Variants in STK32B observed in about 807,000 individuals in gnomAD.
The protein encoded by STK32B is serine/threonine kinase 32B.
In STK32B, 43 loss-of-function variants were observed where a neutral mutation model predicts 52.6. That is an observed-to-expected ratio of 0.82 (90% CI 0.64 to 1.05). STK32B has a LOEUF of 1.05. Among genes scored for constraint, STK32B ranks in the 50% least tolerant of loss-of-function variants. The pLI is 0.00. For missense variants in STK32B, 621 were observed against 534.6 expected, an observed-to-expected ratio of 1.16 and a Z score of -1.59; for synonymous variants, 238 against 204.3, an observed-to-expected ratio of 1.17 and a Z score of -1.41.
intron 3 of STK32B, among the ~76,000 whole-genome samples, chr4:5,302,364 C>A (rs1293532078): frequency 1.3e-5 from 2 of 151,834 alleles, no homozygotes; most frequent in Non-Finnish European, 2.9e-5. Flanking sequence ...ATTATTAGTT[C>A]TTTTAACATC....
chr4:5,362,975 G>A (rs754821041), intron 4 of STK32B, among the ~76,000 whole-genome samples: 4 of 152,218 alleles, frequency 2.6e-5, no homozygotes, highest in Non-Finnish European at 5.9e-5. Flanking sequence ...TGCCCTGCAT[G>A]ACAGCTACCA....
At chr4:5,385,913 TCCCCACCCACAG>T (rs71638600) in intron 4 of STK32B, among the ~76,000 whole-genome samples, 5 of 111,488 alleles carry the variant, frequency 4.5e-5, no homozygotes, top group African/African-American at 1.1e-4. Flanking sequence ...ATACCCACAT[TCCCCACCCACAG>T]CCCCACCCAC....
At chr4:5,200,308 C>T (rs562627081) in intron 3 of STK32B, among the ~76,000 whole-genome samples, 40 of 150,686 alleles carry the variant, frequency 2.7e-4, no homozygotes, top group African/African-American at 9.5e-4. Context: ...ATTCCTTGGT[C>T]CAAAATCTCT....
chr4:5,039,560 C>T, the STK32B span, among the ~76,000 whole-genome samples: 554 of 152,246 alleles, frequency 3.6e-3, 1 homozygote, highest in Middle Eastern at 6.8e-3. Context: ...TCATAACTAA[C>T]TTTTTTCTGC....
At chr4:5,454,983 C>T (rs1289024583) in intron 7 of STK32B, among the ~76,000 whole-genome samples, 3 of 152,248 alleles carry the variant, frequency 2.0e-5, no homozygotes, top group East Asian at 1.9e-4. Flanking sequence ...AGAGAGCCCA[C>T]GGGTTTTGGT....
At chr4:5,210,101 C>G (rs1393466242) in intron 3 of STK32B, among the ~76,000 whole-genome samples, 1 of 152,226 alleles carries the variant, frequency 6.6e-6, no homozygotes, top group South Asian at 2.1e-4. Flanking sequence ...ACCCACAGCT[C>G]AGCACATATG....
intron 1 of STK32B, among the ~76,000 whole-genome samples, chr4:5,072,863 A>G (rs1041540311): frequency 3.9e-5 from 6 of 152,068 alleles, no homozygotes; most frequent in Non-Finnish European, 8.8e-5. Context: ...TAATTTTGTC[A>G]GTGATTATGT....
In STK32B at chr4:5,426,710, A is replaced by AAAAAGG. The variant is rs1371190082; in HGVS notation, c.562+9782_562+9787dup. Among the ~76,000 whole-genome samples, 161 of 149,620 alleles carry AAAAAGG rather than the reference A, an allele frequency of 1.1e-3. 1 individual carries two copies. Among genetic ancestry groups the AAAAAGG allele is most frequent in the Admixed American group, 2.7e-3 (40 of 14,790 alleles). On this transcript the variant is annotated intron_variant, in intron 6 of 11. Transcript: ENST00000282908. ...ATCTAAACAAAAAAAAAAAAAAAAA[A>AAAAAGG]AAAAGGAAAAGAAAAAAACACTTAC...
intron 1 of STK32B, among the ~76,000 whole-genome samples, chr4:5,101,087 G>A (rs185832482): frequency 8.0e-4 from 122 of 152,030 alleles, no homozygotes; most frequent in Middle Eastern, 6.8e-3. Context: ...GTCTCACTGT[G>A]TTGCCCAAGC....
intron 6 of STK32B, among the ~76,000 whole-genome samples, chr4:5,441,322 G>T (rs1434004132): frequency 6.6e-6 from 1 of 151,504 alleles, no homozygotes; most frequent in East Asian, 1.9e-4. Flanking sequence ...CTTCTTCCTG[G>T]TTTAGTCTTG....
intron 2 of STK32B, among the ~76,000 whole-genome samples, chr4:5,150,516 C>T (rs541335523): frequency 6.6e-6 from 1 of 152,196 alleles, no homozygotes; most frequent in East Asian, 1.9e-4. Context: ...AAGCAGTTAA[C>T]TTGGTTGGAC....
the STK32B span, among the ~76,000 whole-genome samples, chr4:5,045,159 CAGA>C: frequency 1.3e-5 from 2 of 152,186 alleles, no homozygotes; most frequent in African/African-American, 4.8e-5. Context: ...CCATTTAATT[CAGA>C]AGAAAGCCCC....
chr4:5,092,825 C>T (rs1255974672), intron 1 of STK32B, among the ~76,000 whole-genome samples: 1 of 152,120 alleles, frequency 6.6e-6, no homozygotes, highest in East Asian at 1.9e-4. Context: ...CCCGGTCACA[C>T]CTCCAACAAT....
chr4:5,317,279 CATATAACAT>C (rs1731099182), intron 3 of STK32B, among the ~76,000 whole-genome samples: 1 of 16,432 alleles, frequency 6.1e-5, no homozygotes, highest in African/African-American at 6.3e-4. Context: ...TAATATATAA[CATATAACAT>C]ATATATAATA....
chr4:5,105,082 T>C (rs1714028436), intron 1 of STK32B, among the ~76,000 whole-genome samples: 1 of 152,242 alleles, frequency 6.6e-6, no homozygotes, highest in South Asian at 2.1e-4. Flanking sequence ...CATATCCTTA[T>C]TGACAATTGT....
chr4:5,059,358 C>G (rs1449643207), intron 1 of STK32B, among the ~76,000 whole-genome samples: 1 of 152,022 alleles, frequency 6.6e-6, no homozygotes, highest in East Asian at 1.9e-4. Context: ...ATTGTAGATA[C>G]CCTTTATTGC....
chr4:5,494,174 T>G (rs569157448), intron 11 of STK32B, among the ~76,000 whole-genome samples: 1 of 152,270 alleles, frequency 6.6e-6, no homozygotes, highest in South Asian at 2.1e-4. Context: ...ATGTTGACAG[T>G]GGGGTGTTAA....
intron 11 of STK32B, among the ~76,000 whole-genome samples, chr4:5,495,140 A>T (rs1330735637): frequency 6.6e-6 from 1 of 152,080 alleles, no homozygotes; most frequent in East Asian, 1.9e-4. Context: ...TAGATTGGGG[A>T]AGTTCTCCTG....
At chr4:5,302,450 A>G (rs1729627684) in intron 3 of STK32B, among the ~76,000 whole-genome samples, 1 of 152,118 alleles carries the variant, frequency 6.6e-6, no homozygotes, top group Non-Finnish European at 1.5e-5. Flanking sequence ...ATTGTTTTAC[A>G]TTGTACATTT....
Sources: allele counts gnomAD v4.1 joint callset (sites outside exome capture counted in the v4.1 genomes callset), GRCh38; gene constraint gnomAD v4.1.1; transcripts MANE v1.5; gene names NCBI Gene and HGNC (gene_info 2026-07-23, HGNC 2026-07-21).